Variants in NXPE4 observed in about 807,000 individuals in gnomAD.
NXPE4 encodes the protein NXPE family member 4.
In NXPE4, 42 loss-of-function variants were observed where a neutral mutation model predicts 33.3. The observed-to-expected ratio is 1.26, with a 90% CI of 0.98 to 1.63. NXPE4 has a LOEUF of 1.63. Ranked by LOEUF, NXPE4 falls within the 40% of genes most tolerant of loss-of-function variation. The pLI is 0.00. For synonymous variants in NXPE4, 253 were observed against 234.9 expected (o/e 1.08, Z -0.71); for missense variants, 709 against 647.6 (o/e 1.09, Z -1.03).
At chr11:114,628,130 C>T in the NXPE4 span, among the ~76,000 whole-genome samples, 10,606 of 142,190 alleles carry the variant, frequency 0.075, 442 homozygotes, top group Middle Eastern at 0.2. Flanking sequence ...AAGTCAACAA[C>T]GATACCCAAG....
At chr11:114,649,291 T>A in the NXPE4 span, among the ~76,000 whole-genome samples, 1 of 152,208 alleles carries the variant, frequency 6.6e-6, no homozygotes, top group South Asian at 2.1e-4. Flanking sequence ...ATACATGTTC[T>A]TAGAAGCATT....
the NXPE4 span, among the ~76,000 whole-genome samples, chr11:114,623,927 A>C: frequency 6.6e-6 from 1 of 152,172 alleles, no homozygotes; most frequent in African/African-American, 2.4e-5. Context: ...CCAGTGGATA[A>C]TAAGAACGAC....
chr11:114,640,566 C>G, the NXPE4 span, among the ~76,000 whole-genome samples: 37 of 151,930 alleles, frequency 2.4e-4, no homozygotes, highest in African/African-American at 8.9e-4. Flanking sequence ...AATTTACACT[C>G]CCACCCACAA....
chr11:114,626,550 G>T, the NXPE4 span, among the ~76,000 whole-genome samples: 1 of 152,200 alleles, frequency 6.6e-6, no homozygotes, highest in African/African-American at 2.4e-5. Flanking sequence ...ACCAAAGGTA[G>T]ATAAAACCAC....
the NXPE4 span, among the ~76,000 whole-genome samples, chr11:114,670,454 G>A: frequency 2.6e-5 from 4 of 152,026 alleles, no homozygotes; most frequent in Non-Finnish European, 4.4e-5. Context: ...CAGCACTGAA[G>A]TGGCCCTTGT....
the NXPE4 span, among the ~76,000 whole-genome samples, chr11:114,603,356 T>C: frequency 1.3e-5 from 2 of 151,558 alleles, no homozygotes; most frequent in Non-Finnish European, 2.9e-5. Flanking sequence ...GTAACTCCTA[T>C]TACCTGACGG....
the NXPE4 span, among the ~76,000 whole-genome samples, chr11:114,622,645 G>T: frequency 2.0e-5 from 3 of 151,894 alleles, no homozygotes; most frequent in African/African-American, 7.3e-5. Context: ...GTGTTGCCTC[G>T]TGGGTAACCA....
chr11:114,642,569 C>T, the NXPE4 span, among the ~76,000 whole-genome samples: 1 of 152,062 alleles, frequency 6.6e-6, no homozygotes, highest in Non-Finnish European at 1.5e-5. Flanking sequence ...CCAGCTTCAT[C>T]TATGTCCCTG....
intron 2 of NXPE4, among the ~76,000 whole-genome samples, chr11:114,590,624 A>C (rs1024252720): frequency 6.6e-5 from 10 of 152,192 alleles, no homozygotes; most frequent in African/African-American, 1.9e-4. Context: ...GAGGGCCTTC[A>C]ATCTTTATGT....
the NXPE4 span, among the ~76,000 whole-genome samples, chr11:114,645,869 G>A: frequency 6.6e-6 from 1 of 152,224 alleles, no homozygotes; most frequent in African/African-American, 2.4e-5. Flanking sequence ...ATTATAATTT[G>A]TTGATAAGTA....
the NXPE4 span, among the ~76,000 whole-genome samples, chr11:114,645,292 C>T: frequency 6.6e-6 from 1 of 152,028 alleles, no homozygotes; most frequent in Non-Finnish European, 1.5e-5. Context: ...CAGAGTGAGA[C>T]TCCATCTCGA....
At chr11:114,641,350 A>G in the NXPE4 span, among the ~76,000 whole-genome samples, 4 of 152,220 alleles carry the variant, frequency 2.6e-5, no homozygotes, top group African/African-American at 9.6e-5. Context: ...TCAAGTACAC[A>G]TGAAACCCAA....
chr11:114,576,914 A>G (rs1483046100), intron 5 of NXPE4, among the ~76,000 whole-genome samples: 1 of 150,026 alleles, frequency 6.7e-6, no homozygotes, highest in Non-Finnish European at 1.5e-5. Context: ...ACAATTTGCA[A>G]TTGCAAAAAT....
the NXPE4 span, among the ~76,000 whole-genome samples, chr11:114,675,400 G>C: frequency 6.6e-6 from 1 of 151,704 alleles, no homozygotes; most frequent in African/African-American, 2.4e-5. Context: ...CTTATATATA[G>C]AGAACTCTAA....
the NXPE4 span, among the ~76,000 whole-genome samples, chr11:114,632,304 C>G: frequency 7.4e-6 from 1 of 134,848 alleles, no homozygotes; most frequent in Non-Finnish European, 1.5e-5. Context: ...TCCACCACCA[C>G]CACCAATACT....
At chr11:114,638,377 T>G in the NXPE4 span, among the ~76,000 whole-genome samples, 3 of 152,148 alleles carry the variant, frequency 2.0e-5, no homozygotes, top group South Asian at 6.2e-4. Flanking sequence ...AAATTTTTTT[T>G]CAAAGTTTTT....
At chr11:114,650,026 C>T in the NXPE4 span, among the ~76,000 whole-genome samples, 10 of 152,156 alleles carry the variant, frequency 6.6e-5, no homozygotes, top group African/African-American at 1.9e-4. Flanking sequence ...TCTGTTTCTA[C>T]ATAAACTGTA....
chr11:114,628,484 C>A, the NXPE4 span, among the ~76,000 whole-genome samples: 1 of 151,882 alleles, frequency 6.6e-6, no homozygotes, highest in African/African-American at 2.4e-5. Context: ...AGAACAAAGA[C>A]ACAACGTACC....
intron 5 of NXPE4, 107 bp from the exon 6 acceptor site, chr11:114,571,580 A>C (rs141846808): frequency 3.8e-6 from 4 of 1,051,746 alleles, no homozygotes; most frequent in Non-Finnish European, 5.5e-6. Flanking sequence ...TAAGCTAATC[A>C]TGTCTAATTT....
Sources: gnomAD v4.1 joint callset for allele counts (sites outside exome capture counted in the v4.1 genomes callset) on GRCh38, gnomAD v4.1.1 for gene constraint, MANE v1.5 for transcripts, NCBI Gene and HGNC (gene_info 2026-07-23, HGNC 2026-07-21) for gene names.